EDEM3: variants seen among roughly 807,000 people sequenced by gnomAD.
EDEM3 encodes ER degradation enhancing alpha-mannosidase like protein 3.
EDEM3 carries 60 observed loss-of-function variants against 110.2 expected under a neutral mutation model. The ratio of observed to expected loss-of-function variants is 0.54; its 90% CI spans 0.44 to 0.67. The LOEUF is 0.67. Ranked by LOEUF, EDEM3 falls within the 30% of genes least tolerant of loss-of-function variation. EDEM3 has a pLI of 0.00. For synonymous variants in EDEM3, 352 were observed against 382.9 expected, an observed-to-expected ratio of 0.92 and a Z score of 0.94; for missense variants, 996 against 1,121.0, an observed-to-expected ratio of 0.89 and a Z score of 1.59.
intron 2 of EDEM3, among the ~76,000 whole-genome samples, chr1:184,748,612 A>G (rs1191663493): frequency 6.6e-6 from 1 of 152,240 alleles, no homozygotes; most frequent in Non-Finnish European, 1.5e-5. Flanking sequence ...AATTTACAAT[A>G]TAAAAGAGAA....
At chr1:184,707,410 G>T (rs550395252) in intron 17 of EDEM3, among the ~76,000 whole-genome samples, 76 of 152,212 alleles carry the variant, frequency 5.0e-4, no homozygotes, top group African/African-American at 1.8e-3. Flanking sequence ...TAAGGGCATG[G>T]ATCTTCATTG....
chr1:184,754,548 G>A lies in EDEM3; in HGVS notation c.99C>T (p.Ala33=). 6.2e-7 allele frequency: 1 copy of A among 1,612,956 alleles called. No homozygotes were observed. The highest frequency in any genetic ancestry group is 8.5e-7 in the Non-Finnish European group (1 of 1,179,796). The change falls in exon 1 of 20, where the codon GCC becomes GCT. Residue 33 remains alanine (A), a synonymous_variant. Coordinates refer to ENST00000318130, the MANE Select transcript of EDEM3 (RefSeq NM_025191.4). ...AATAAFCLVS[A]TSVWTAGAEP... is the part of the protein sequence containing the mutation. The stretch of plus-strand genomic sequence containing the variant: ...CGGCCCCCGCCGTCCACACGGAGGT[G>A]GCCGACACCAGGCAGAACGCGGCCG...
intron 19 of EDEM3, among the ~76,000 whole-genome samples, chr1:184,696,436 GT>G (rs199946689): frequency 6.6e-6 from 1 of 150,438 alleles, no homozygotes; most frequent in Non-Finnish European, 1.5e-5. Flanking sequence ...ACCTGTTTTT[GT>G]TTTTTTTTAA....
Position 184,749,539 on chromosome 1 carries a change from C to A in EDEM3, c.204+8G>T. 6.4e-7 allele frequency: 1 copy of A among 1,562,306 alleles called. No individual in the cohort carries two copies. Among genetic ancestry groups the A allele is most frequent in the Non-Finnish European group, 8.7e-7 (1 of 1,150,580 alleles). On this transcript the variant is annotated splice_region_variant and intron_variant, in intron 2 of 19. Transcript: ENST00000318130. ...TAAATGGTAGGTAAAGATAAGCTTCCTACTTACCATATAGTTACCATAAGC... is the reference window on the plus strand; with the variant it reads ...TAAATGGTAGGTAAAGATAAGCTTCATACTTACCATATAGTTACCATAAGC...
At position 184,723,868 on chromosome 1, in the gene EDEM3, A is replaced by AG. The variant is rs1651043424; in HGVS notation, c.748-13_748-12insC. 2 of 1,378,660 alleles carry AG rather than the reference A, an allele frequency of 1.5e-6. No individual in the cohort carries two copies. The highest frequency in any genetic ancestry group is 1.9e-6 in the Non-Finnish European group (2 of 1,041,648). 85.4% of individuals were successfully genotyped at this position (1,378,660 alleles called of 1,614,324 possible). A position where few individuals can be genotyped will look rare whatever the true frequency, so the allele number is the denominator to read the frequency against. On this transcript the variant is annotated splice_polypyrimidine_tract_variant and intron_variant, in intron 7 of 19. Coordinates refer to ENST00000318130, the MANE Select transcript of EDEM3 (RefSeq NM_025191.4). Reference sequence around the variant, plus strand: ...TTTCTGGCATATTCCTGTAATTTAAAAAAAAAAAAAAAAAAAAGAAGTGCA... The same window carrying AG: ...TTTCTGGCATATTCCTGTAATTTAAAGAAAAAAAAAAAAAAAAAGAAGTGCA...
intron 1 of EDEM3, among the ~76,000 whole-genome samples, chr1:184,753,967 T>C (rs1483501854): frequency 6.6e-6 from 1 of 152,266 alleles, no homozygotes; most frequent in African/African-American, 2.4e-5. Flanking sequence ...CATTCTATTA[T>C]GAAAATACAG....
chr1:184,702,782 T>TA (rs768724066), intron 19 of EDEM3, 29 bp downstream of exon 19: 7 of 1,466,734 alleles, frequency 4.8e-6, no homozygotes, highest in Non-Finnish European at 5.4e-6. Context: ...TTACGCTGCA[T>TA]AAAAAAACAA....
chr1:184,738,710 C>G (rs1373661781), intron 2 of EDEM3, among the ~76,000 whole-genome samples: 4 of 152,176 alleles, frequency 2.6e-5, no homozygotes, highest in African/African-American at 9.6e-5. Flanking sequence ...AGATTCATTA[C>G]TAATAAGGAT....
chr1:184,696,118 C>T (rs1220224869), intron 19 of EDEM3, among the ~76,000 whole-genome samples: 1 of 151,802 alleles, frequency 6.6e-6, no homozygotes, highest in Non-Finnish European at 1.5e-5. Flanking sequence ...GGACTCTCAT[C>T]AAATAACGAG....
intron 6 of EDEM3, among the ~76,000 whole-genome samples, chr1:184,726,819 T>G (rs540447186): frequency 1.6e-4 from 24 of 152,306 alleles, no homozygotes; most frequent in South Asian, 6.2e-4. Flanking sequence ...CCAGTCTATA[T>G]TATATATTAA....
At chr1:184,726,699 T>C (rs1173219877) in intron 6 of EDEM3, among the ~76,000 whole-genome samples, 2 of 152,144 alleles carry the variant, frequency 1.3e-5, no homozygotes, top group African/African-American at 2.4e-5. Flanking sequence ...ACAGAGAAGG[T>C]ATCTTTTATA....
chr1:184,731,714 G>A (rs1488011514), intron 6 of EDEM3, among the ~76,000 whole-genome samples: 1 of 152,114 alleles, frequency 6.6e-6, no homozygotes, highest in Admixed American at 6.6e-5. Context: ...CCCAAGTTCT[G>A]GTCTAGCATC....
intron 1 of EDEM3, among the ~76,000 whole-genome samples, chr1:184,751,211 T>C (rs1293745265): frequency 6.6e-6 from 1 of 151,144 alleles, no homozygotes; most frequent in Non-Finnish European, 1.5e-5. Context: ...TTTACAGCTC[T>C]AGACTCTTAT....
chr1:184,712,336 A>T, intron 14 of EDEM3, 97 bp downstream of exon 14: 1 of 1,093,698 alleles, frequency 9.1e-7, no homozygotes, highest in Non-Finnish European at 1.3e-6. Flanking sequence ...TACCATACAT[A>T]TATTTATTGA....
At chr1:184,753,765 G>A (rs1652910597) in intron 1 of EDEM3, among the ~76,000 whole-genome samples, 1 of 151,956 alleles carries the variant, frequency 6.6e-6, no homozygotes, top group African/African-American at 2.4e-5. Flanking sequence ...TCCTCTTCTG[G>A]CTTAACCGTT....
intron 6 of EDEM3, among the ~76,000 whole-genome samples, chr1:184,728,705 G>A (rs553985895): frequency 7.2e-5 from 11 of 152,000 alleles, no homozygotes; most frequent in African/African-American, 2.7e-4. Context: ...CACCTCCCGG[G>A]TTCAAGCAAT....
rs1652306072 is a variant in EDEM3, at chr1:184,744,289, TATATGA to T, written c.204+5252_204+5257del. On this transcript the variant is annotated intron_variant, in intron 2 of 19. Coordinates refer to ENST00000318130, the MANE Select transcript of EDEM3 (RefSeq NM_025191.4). ...ATATATATATATATATATATATATA[TATATGA>T]ATAGCAAATAAGCATATGGGAAAAT... Among the ~76,000 whole-genome samples, 4 of 105,568 alleles carry T rather than the reference TATATGA, an allele frequency of 3.8e-5. 1 individual carries two copies. The highest frequency in any genetic ancestry group is 2.9e-4 in the Admixed American group (3 of 10,406). The allele number at this position is 105,568 out of a possible 152,430, so 69.3% of individuals were successfully genotyped here. A position where few individuals can be genotyped will look rare whatever the true frequency, so the allele number is the denominator to read the frequency against.
Position 184,732,074 on chromosome 1 carries a change from G to T in EDEM3, c.612+763C>A, listed in dbSNP as rs1314545270. On this transcript the variant is annotated intron_variant, in intron 6 of 19. Coordinates refer to ENST00000318130, the MANE Select transcript of EDEM3 (RefSeq NM_025191.4). The stretch of plus-strand genomic sequence containing the variant: ...GCCTGTAGTCCCAGCTACTCGGGAG[G>T]CTGAGGCAGGAGAATGGCGTGAACC... 3.9e-5 allele frequency among the ~76,000 whole-genome samples: 6 copies of T among 152,248 alleles called. No individual in the cohort carries two copies. The East Asian group carries it at 9.7e-4, about 25-fold the overall frequency.
intron 16 of EDEM3, 75 bp from the exon 17 acceptor site, chr1:184,708,419 T>G: frequency 6.8e-7 from 1 of 1,478,776 alleles, no homozygotes; most frequent in Non-Finnish European, 9.2e-7. Flanking sequence ...CTAAAGACAC[T>G]GTACTGTAGT....
Sources: gnomAD v4.1 joint callset for allele counts (sites outside exome capture counted in the v4.1 genomes callset) on GRCh38, gnomAD v4.1.1 for gene constraint, MANE v1.5 for transcripts, NCBI Gene and HGNC (gene_info 2026-07-23, HGNC 2026-07-21) for gene names.